Variants in SANBR observed in about 807,000 individuals in gnomAD.
SANBR encodes SANT and BTB domain regulator of class switch recombination.
A neutral mutation model predicts 101.8 loss-of-function variants in SANBR; 77 were observed. That is an observed-to-expected ratio of 0.76 (90% CI 0.63 to 0.91). The LOEUF (loss-of-function observed/expected upper bound fraction) is 0.91. Ranked by LOEUF, SANBR falls within the 40% of genes least tolerant of loss-of-function variation. The pLI, the probability that SANBR is intolerant of heterozygous loss-of-function variation, is 0.00. For missense variants in SANBR, 875 were observed against 853.0 expected, an observed-to-expected ratio of 1.03 and a Z score of -0.32; for synonymous variants, 279 against 274.7, an observed-to-expected ratio of 1.02 and a Z score of -0.15.
chr2:61,131,895 G>A (rs934232738), intron 20 of SANBR, among the ~76,000 whole-genome samples: 1 of 152,168 alleles, frequency 6.6e-6, no homozygotes, highest in Non-Finnish European at 1.5e-5. Context: ...CATTTCTATG[G>A]TCAACTGATT....
chr2:61,117,595 T>C (rs1389341442), intron 19 of SANBR, 55 bp downstream of exon 19: 5 of 1,434,352 alleles, frequency 3.5e-6, no homozygotes, highest in Non-Finnish European at 3.9e-6. Flanking sequence ...CAATGATTGG[T>C]GTGTGTTTCA....
chr2:61,068,648 T>C (rs1436334693), intron 1 of SANBR, among the ~76,000 whole-genome samples: 1 of 152,212 alleles, frequency 6.6e-6, no homozygotes, highest in Non-Finnish European at 1.5e-5. Context: ...AGTCATTTTG[T>C]TGGTGGCATA....
chr2:61,076,049 A>G (rs1378539580), intron 5 of SANBR, among the ~76,000 whole-genome samples: 3 of 151,586 alleles, frequency 2.0e-5, no homozygotes, highest in Admixed American at 2.0e-4. Flanking sequence ...TCTGGAGTGC[A>G]GTGGAGCCAT....
At chr2:61,109,144 A>C in intron 15 of SANBR, 53 bp from the exon 16 acceptor site, 1 of 909,960 alleles carries the variant, frequency 1.1e-6, no homozygotes, top group Non-Finnish European at 1.6e-6. Context: ...GTTTGAAAGA[A>C]TTCAATAAAA....
intron 7 of SANBR, among the ~76,000 whole-genome samples, chr2:61,081,940 C>T (rs1410535555): frequency 2.0e-5 from 3 of 152,066 alleles, no homozygotes; most frequent in African/African-American, 4.8e-5. Context: ...TGAGCCACCG[C>T]ACCCAGCCAG....
Position 61,106,699 on chromosome 2 carries a change from A to G in SANBR, c.1611+37A>G, listed in dbSNP as rs968147113. The G allele has an allele frequency of 5.0e-6, 6 of 1,196,710 alleles. No homozygotes were observed. In the Middle Eastern group the frequency reaches 1.2e-3, roughly 233 times the overall value. The allele number at this position is 1,196,710 out of a possible 1,614,324, so 74.1% of individuals were successfully genotyped here. A position where few individuals can be genotyped will look rare whatever the true frequency, so the allele number is the denominator to read the frequency against. ...TTTTTCACTTATTCTTTATTTACAT[A>G]AATAATTAATGACATTTAATCTTTG... On this transcript the variant is annotated intron_variant, in intron 14 of 21. Transcript: ENST00000402291.
intron 14 of SANBR, among the ~76,000 whole-genome samples, 183 bp downstream of exon 14, chr2:61,106,845 A>G (rs896352398): frequency 1.3e-5 from 2 of 152,180 alleles, no homozygotes; most frequent in African/African-American, 4.8e-5. Context: ...AAGAATTAAT[A>G]ATGAATACAT....
intron 20 of SANBR, among the ~76,000 whole-genome samples, chr2:61,129,450 A>AG (rs1684617405): frequency 6.6e-6 from 1 of 151,988 alleles, no homozygotes; most frequent in Non-Finnish European, 1.5e-5. Flanking sequence ...ATCTCAAAAA[A>AG]AAAAACAAGA....
Position 61,122,268 on chromosome 2 carries a change from T to A in SANBR, c.*106T>A. On this transcript the variant is annotated 3_prime_UTR_variant, in exon 22 of 22. Transcript: ENST00000402291. ...ACAATGACTTCCAACTGTTTTATGT[T>A]ATTATTATTTTAATCCACATAAATC... The A allele has an allele frequency of 7.2e-7, 1 of 1,382,644 alleles. No individual in the cohort carries two copies. Among genetic ancestry groups the A allele is most frequent in the South Asian group, 1.8e-5 (1 of 55,668 alleles). 85.6% of individuals were successfully genotyped at this position (1,382,644 alleles called of 1,614,324 possible).
intron 8 of SANBR, among the ~76,000 whole-genome samples, chr2:61,086,359 AAATT>A (rs1405640480): frequency 2.6e-5 from 4 of 151,726 alleles, no homozygotes; most frequent in Non-Finnish European, 5.9e-5. Context: ...TTCCTAAAAT[AAATT>A]AAATAAATAA....
intron 1 of SANBR, among the ~76,000 whole-genome samples, chr2:61,067,779 G>A (rs1372134297): frequency 6.6e-6 from 1 of 152,172 alleles, no homozygotes; most frequent in Non-Finnish European, 1.5e-5. Context: ...GCTCTAACAT[G>A]CTTCCCAAAT....
chr2:61,081,364 A>G lies in SANBR; in HGVS notation c.671-88A>G. On this transcript the variant is annotated intron_variant, in intron 6 of 21. Transcript: ENST00000402291. ...TGTATTAAATTATTCTTATTCCAGTAATGTCCTCTTTTAAGGTAAGAAGGA... is the reference window on the plus strand; with the variant it reads ...TGTATTAAATTATTCTTATTCCAGTGATGTCCTCTTTTAAGGTAAGAAGGA... 2.4e-6 allele frequency: 3 copies of G among 1,242,780 alleles called. No individual in the cohort carries two copies. In the South Asian group the frequency reaches 4.4e-5, roughly 18 times the overall value. 77.0% of individuals were successfully genotyped at this position (1,242,780 alleles called of 1,614,324 possible).
Position 61,123,241 on chromosome 2 carries a change from A to C in SANBR, c.*1079A>C. ...AAAAACTTTAAGATGCACTGTTTCTATTTTTTTAAGTCTTAATTTGCCTTA... is the reference window on the plus strand; with the variant it reads ...AAAAACTTTAAGATGCACTGTTTCTCTTTTTTTAAGTCTTAATTTGCCTTA... On this transcript the variant is annotated 3_prime_UTR_variant, in exon 22 of 22. Transcript: ENST00000402291. The C allele has an allele frequency of 2.1e-6, 2 of 974,414 alleles. No homozygotes were observed. Among genetic ancestry groups the C allele is most frequent in the Non-Finnish European group, 2.4e-6 (2 of 819,830 alleles). 60.4% of individuals were successfully genotyped at this position (974,414 alleles called of 1,614,324 possible).
chr2:61,131,644 G>A (rs1017541165), intron 20 of SANBR, among the ~76,000 whole-genome samples: 4 of 152,196 alleles, frequency 2.6e-5, no homozygotes, highest in Non-Finnish European at 5.9e-5. Flanking sequence ...GTCTCTAGCA[G>A]AGAGACTTGT....
Position 61,088,340 on chromosome 2 carries a change from T to C in SANBR, c.978-18T>C. 6.3e-7 allele frequency: 1 copy of C among 1,574,992 alleles called. No homozygotes were observed. The highest frequency in any genetic ancestry group is 1.2e-5 in the South Asian group (1 of 84,772). On this transcript the variant is annotated intron_variant, in intron 9 of 21. Coordinates refer to ENST00000402291, the MANE Select transcript of SANBR (RefSeq NM_001129993.3). Reference sequence around the variant, plus strand: ...CATTCTTCTTCCTGGATGTTTTTTGTATCTTCTTTGTTTATAGATGCTGTT... The same window carrying C: ...CATTCTTCTTCCTGGATGTTTTTTGCATCTTCTTTGTTTATAGATGCTGTT...
At chr2:61,103,137 CTTT>C (rs398060223) in intron 12 of SANBR, among the ~76,000 whole-genome samples, 16 of 134,884 alleles carry the variant, frequency 1.2e-4, no homozygotes, top group Admixed American at 2.2e-4. Context: ...ATTTTTCTTT[CTTT>C]TTTTTTTTTT....
chr2:61,108,650 G>A (rs1020846154), intron 15 of SANBR, among the ~76,000 whole-genome samples: 5 of 147,714 alleles, frequency 3.4e-5, no homozygotes, highest in African/African-American at 1.2e-4. Flanking sequence ...TTATTTGATT[G>A]TTTGAGTGAA....
intron 1 of SANBR, chr2:61,066,458 G>A (rs1000333876): frequency 6.6e-6 from 1 of 152,644 alleles, no homozygotes; most frequent in Non-Finnish European, 1.5e-5. Context: ...CCGGGCCCAA[G>A]GTTTGACTGG....
chr2:61,118,338 T>G (rs1257111103), intron 20 of SANBR, among the ~76,000 whole-genome samples: 1 of 151,990 alleles, frequency 6.6e-6, no homozygotes, highest in Non-Finnish European at 1.5e-5. Context: ...GCCTCATGGG[T>G]TCAAGCAATT....
Sources: gnomAD v4.1 joint callset for allele counts (sites outside exome capture counted in the v4.1 genomes callset) on GRCh38, gnomAD v4.1.1 for gene constraint, MANE v1.5 for transcripts, NCBI Gene and HGNC (gene_info 2026-07-23, HGNC 2026-07-21) for gene names.